Variants in ETFA observed in about 807,000 individuals in gnomAD.
ETFA encodes electron transfer flavoprotein subunit alpha, mitochondrial.
A neutral mutation model predicts 46.2 loss-of-function variants in ETFA; 22 were observed. The observed-to-expected ratio is 0.48, with a 90% CI of 0.34 to 0.68. ETFA has a LOEUF of 0.68. ETFA is among the 30% of genes least tolerant of loss of function. The pLI is 0.01. For synonymous variants in ETFA, 131 were observed against 139.9 expected (o/e 0.94, Z 0.45); for missense variants, 345 against 401.1 (o/e 0.86, Z 1.19).
intron 10 of ETFA, chr15:76,226,145 G>C: frequency 6.1e-6 from 3 of 489,746 alleles, no homozygotes; most frequent in South Asian, 3.0e-5. Context: ...CAGTATTAAA[G>C]AGTTTAAAAT....
chr15:76,250,604 C>T (rs952373520), intron 9 of ETFA, among the ~76,000 whole-genome samples: 2 of 152,094 alleles, frequency 1.3e-5, no homozygotes, highest in African/African-American at 4.8e-5. Context: ...ACAATCATAG[C>T]TCACTGCAGC....
chr15:76,289,438 T>C (rs2039736542), intron 4 of ETFA, among the ~76,000 whole-genome samples: 1 of 152,202 alleles, frequency 6.6e-6, no homozygotes, highest in Non-Finnish European at 1.5e-5. Flanking sequence ...TCTAAATTGC[T>C]CAAAATTTAA....
intron 9 of ETFA, among the ~76,000 whole-genome samples, chr15:76,272,219 TTTC>T (rs1268599375): frequency 2.7e-5 from 4 of 147,358 alleles, no homozygotes; most frequent in African/African-American, 7.7e-5. Flanking sequence ...AATTTCTTTC[TTTC>T]TTTTTTTTTT....
chr15:76,269,985 C>G (rs1035687635), intron 9 of ETFA, among the ~76,000 whole-genome samples: 1 of 152,160 alleles, frequency 6.6e-6, no homozygotes, highest in African/African-American at 2.4e-5. Flanking sequence ...GCCAATAATA[C>G]AACGTGCTCA....
chr15:76,277,511 A>C lies in ETFA; in HGVS notation c.734-3017T>G, dbSNP rs1004555951. Reference sequence around the variant, plus strand: ...TTTTGTCAAAAACAAAAACAAAAAAAAAAAACAAAAAACCAGAGTCTCACT... The same window carrying C: ...TTTTGTCAAAAACAAAAACAAAAAACAAAAACAAAAAACCAGAGTCTCACT... On this transcript the variant is annotated intron_variant, in intron 8 of 11. Transcript: ENST00000557943. Among the ~76,000 whole-genome samples the C allele has an allele frequency of 7.9e-4, 120 of 152,108 alleles. 1 individual carries two copies. The East Asian group carries it at 0.011, about 13-fold the overall frequency.
chr15:76,283,439 G>C (rs1389567903), intron 8 of ETFA, among the ~76,000 whole-genome samples: 1 of 152,138 alleles, frequency 6.6e-6, no homozygotes, highest in Non-Finnish European at 1.5e-5. Flanking sequence ...CAGTCCTCCT[G>C]CCTCAGCAAC....
At chr15:76,221,381 C>A (rs778338503) in intron 11 of ETFA, among the ~76,000 whole-genome samples, 3 of 152,136 alleles carry the variant, frequency 2.0e-5, no homozygotes, top group African/African-American at 7.2e-5. Flanking sequence ...GTATGGAATT[C>A]TTTTTGGCAT....
rs1042921735 is a variant in ETFA, at chr15:76,311,359, G to C, written c.30C>G (p.Leu10=). 6.4e-7 allele frequency: 1 copy of C among 1,560,162 alleles called. No individual in the cohort carries two copies. The highest frequency in any genetic ancestry group is 8.7e-7 in the Non-Finnish European group (1 of 1,152,760). The stretch of plus-strand genomic sequence containing the variant: ...CCCAGTCCGGACTCACCGCCCGCCG[G>C]AGCTGCCCCGGAGCCGCCGCTCGGA... The part of the protein sequence containing the change: MFRAAAPGQ[L]RRAASLLRFQ... The change falls in exon 1 of 12, where the codon CTC becomes CTG. Residue 10 remains leucine, a synonymous_variant. Transcript: ENST00000557943.
chr15:76,230,153 A>C (rs961728916), intron 10 of ETFA: 1 of 143,340 alleles, frequency 7.0e-6, no homozygotes, highest in Non-Finnish European at 1.5e-5. Flanking sequence ...ACAGAGCGAG[A>C]CTCTTGTCTC....
intron 10 of ETFA, among the ~76,000 whole-genome samples, chr15:76,229,433 A>C (rs921603664): frequency 6.6e-6 from 1 of 152,202 alleles, no homozygotes; most frequent in Non-Finnish European, 1.5e-5. Flanking sequence ...TCTGACGTAC[A>C]CTACCTAGTG....
chr15:76,258,714 T>A (rs2039371837), intron 9 of ETFA, among the ~76,000 whole-genome samples: 1 of 152,186 alleles, frequency 6.6e-6, no homozygotes, highest in African/African-American at 2.4e-5. Context: ...ATAATCACTC[T>A]GCTCCTGCCA....
chr15:76,253,586 G>T (rs1412801714), intron 9 of ETFA, among the ~76,000 whole-genome samples: 2 of 152,184 alleles, frequency 1.3e-5, no homozygotes, highest in African/African-American at 2.4e-5. Context: ...TTCAATGGTA[G>T]AGAAAACAGA....
intron 9 of ETFA, chr15:76,260,894 G>T: frequency 6.2e-7 from 1 of 1,612,004 alleles, no homozygotes; most frequent in Non-Finnish European, 8.5e-7. Flanking sequence ...CAACAGCCAG[G>T]ACTTCCCAGC....
chr15:76,284,888 C>G (rs2039691409), intron 7 of ETFA: 1 of 380,646 alleles, frequency 2.6e-6, no homozygotes, highest in Admixed American at 3.6e-5. Flanking sequence ...AGAGATTGTG[C>G]CATTGCACTC....
At chr15:76,259,095 C>T (rs1316114768) in intron 9 of ETFA, 7 of 1,542,774 alleles carry the variant, frequency 4.5e-6, no homozygotes, top group Admixed American at 1.7e-5. Flanking sequence ...CTCAGCCAGC[C>T]CTCCAGGGGT....
chr15:76,265,340 A>C (rs890258507), intron 9 of ETFA, among the ~76,000 whole-genome samples: 1 of 152,226 alleles, frequency 6.6e-6, no homozygotes, highest in African/African-American at 2.4e-5. Flanking sequence ...TGAATTGCTC[A>C]GTTGTTGCTG....
intron 9 of ETFA, among the ~76,000 whole-genome samples, chr15:76,251,308 T>G (rs1596199904): frequency 6.6e-6 from 1 of 152,216 alleles, no homozygotes; most frequent in South Asian, 2.1e-4. Flanking sequence ...CCCTCTTTTT[T>G]TATCCACATG....
In ETFA at chr15:76,259,814, C is replaced by T. The variant is rs16968041; in HGVS notation, c.816+14598G>A. On this transcript the variant is annotated intron_variant, in intron 9 of 11. Coordinates refer to ENST00000557943, the MANE Select transcript of ETFA (RefSeq NM_000126.4). ...GCTGCAGGCAATGTCCACCATGAAC[C>T]GGATCAGGGTAAAGGGGTTCTCCCC... 467 of 1,599,992 alleles carry T rather than the reference C, an allele frequency of 2.9e-4. 3 individuals are homozygous for T. In the African/African-American group the frequency reaches 5.6e-3, roughly 19 times the overall value.
chr15:76,289,123 G>T (rs547176912), intron 4 of ETFA, among the ~76,000 whole-genome samples: 1 of 151,818 alleles, frequency 6.6e-6, no homozygotes, highest in Non-Finnish European at 1.5e-5. Flanking sequence ...CTGTAGAAGC[G>T]GGGTCTTGCG....
Sources: gnomAD v4.1 joint callset for allele counts (sites outside exome capture counted in the v4.1 genomes callset) on GRCh38, gnomAD v4.1.1 for gene constraint, MANE v1.5 for transcripts, NCBI Gene and HGNC (gene_info 2026-07-23, HGNC 2026-07-21) for gene names.